The following DOCK8 variants were observed in gnomAD, a reference collection of about 807,000 sequenced individuals.
DOCK8 encodes dedicator of cytokinesis protein 8.
In DOCK8, 141 loss-of-function variants were observed where a neutral mutation model predicts 245.6. The observed-to-expected ratio is 0.57, with a 90% CI of 0.50 to 0.66. The LOEUF (loss-of-function observed/expected upper bound fraction) is 0.66. Ranked by LOEUF, DOCK8 falls within the 30% of genes least tolerant of loss-of-function variation. DOCK8 has a pLI of 0.00. For missense variants in DOCK8, 2,965 were observed against 2,603.4 expected (o/e 1.14, Z -3.02); for synonymous variants, 1,168 against 970.2 (o/e 1.20, Z -3.79).
intron 5 of DOCK8, among the ~76,000 whole-genome samples, chr9:309,620 T>C (rs1041963874): frequency 2.6e-5 from 4 of 152,234 alleles, no homozygotes; most frequent in African/African-American, 9.6e-5. Context: ...AAGGTTGTTT[T>C]CTTAAAGCAC....
chr9:341,724 G>A (rs1029423901), intron 14 of DOCK8, among the ~76,000 whole-genome samples: 3 of 152,140 alleles, frequency 2.0e-5, no homozygotes, highest in African/African-American at 7.2e-5. Flanking sequence ...CCCAACCCCC[G>A]GGCCATAGAC....
At chr9:263,863 G>A (rs2047978874) in intron 1 of DOCK8, among the ~76,000 whole-genome samples, 1 of 152,126 alleles carries the variant, frequency 6.6e-6, no homozygotes, top group Non-Finnish European at 1.5e-5. Flanking sequence ...CTTTTCCCTG[G>A]ATGTTTTAAA....
intron 32 of DOCK8, 106 bp from the exon 33 acceptor site, chr9:421,942 C>T (rs1258466252): frequency 1.2e-5 from 12 of 1,016,306 alleles, no homozygotes; most frequent in African/African-American, 1.6e-5. Flanking sequence ...CTAATTAGCC[C>T]GAGAAATGGT....
chr9:289,552 C>T lies in DOCK8; in HGVS notation c.375C>T (p.Tyr125=). 6.2e-7 allele frequency: 1 copy of T among 1,612,780 alleles called. No homozygotes were observed. The highest frequency in any genetic ancestry group is 8.5e-7 in the Non-Finnish European group (1 of 1,179,266). The change falls in exon 4 of 48, where the codon TAC becomes TAT. Residue 125 remains tyrosine (Y), a synonymous_variant. Coordinates refer to ENST00000432829, the MANE Select transcript of DOCK8 (RefSeq NM_203447.4). ...ATGTCAGGGACTGTGTTCAGACCTA[C>T]ATCCGTGAGTGGCTAATCGTGAACC... ...DPHVRDCVQT[Y]IREWLIVNRK...
chr9:371,150 G>C (rs2053267472), intron 16 of DOCK8, among the ~76,000 whole-genome samples: 1 of 151,984 alleles, frequency 6.6e-6, no homozygotes, highest in Non-Finnish European at 1.5e-5. Context: ...AGTTGTTGGA[G>C]TTTTCCATTG....
intron 26 of DOCK8, among the ~76,000 whole-genome samples, chr9:401,463 G>A (rs1008232598): frequency 1.2e-4 from 19 of 152,256 alleles, no homozygotes; most frequent in African/African-American, 4.1e-4. Context: ...GGGAGTCTCT[G>A]GGTCAGAGAG....
At chr9:248,381 AG>A (rs2131448406) in intron 1 of DOCK8, among the ~76,000 whole-genome samples, 1 of 152,270 alleles carries the variant, frequency 6.6e-6, no homozygotes, top group East Asian at 1.9e-4. Flanking sequence ...TTGCTTTCAA[AG>A]GAACACCATT....
At chr9:442,154 G>A in intron 42 of DOCK8, 145 bp downstream of exon 42, 1 of 1,174,102 alleles carries the variant, frequency 8.5e-7, no homozygotes, top group Non-Finnish European at 1.2e-6. Context: ...TTTATAAAAG[G>A]CAAAGTAGAA....
intron 6 of DOCK8, among the ~76,000 whole-genome samples, chr9:313,453 C>T (rs1420562556): frequency 6.6e-6 from 1 of 152,196 alleles, no homozygotes; most frequent in South Asian, 2.1e-4. Flanking sequence ...TTGGTTTCCT[C>T]ATCTATTTTT....
At chr9:249,543 G>C (rs184396419) in intron 1 of DOCK8, among the ~76,000 whole-genome samples, 9 of 152,102 alleles carry the variant, frequency 5.9e-5, no homozygotes, top group Admixed American at 5.2e-4. Context: ...CTTACTCTTA[G>C]TTTATTAAGA....
chr9:396,369 CTT>C (rs1488679107), intron 24 of DOCK8, among the ~76,000 whole-genome samples: 2 of 152,170 alleles, frequency 1.3e-5, no homozygotes, highest in Non-Finnish European at 2.9e-5. Flanking sequence ...ACAGAAAAGA[CTT>C]TAGTTCGCAT....
intron 6 of DOCK8, among the ~76,000 whole-genome samples, chr9:316,301 C>G (rs1554666147): frequency 6.6e-6 from 1 of 151,758 alleles, no homozygotes; most frequent in Non-Finnish European, 1.5e-5. Flanking sequence ...AGGATTTGCA[C>G]TACTTATTTT....
intron 26 of DOCK8, among the ~76,000 whole-genome samples, chr9:400,388 T>TCCACCATCAC (rs1564013694): frequency 7.0e-5 from 1 of 14,222 alleles, no homozygotes; most frequent in African/African-American, 5.2e-4. Context: ...ACCATCACCA[T>TCCACCATCAC]CACCACCACC....
intron 15 of DOCK8, chr9:369,627 G>A (rs1437746871): frequency 6.5e-6 from 1 of 154,472 alleles, no homozygotes; most frequent in East Asian, 1.9e-4. Flanking sequence ...ACAAAAGTAT[G>A]TAACTTTGGC....
chr9:273,186 T>G, intron 2 of DOCK8: 1 of 822,356 alleles, frequency 1.2e-6, no homozygotes. Flanking sequence ...ACGAAAAACC[T>G]ATAGCATCTT....
chr9:400,069 A>ACCACC (rs1476440726), intron 26 of DOCK8, among the ~76,000 whole-genome samples: 1 of 77,002 alleles, frequency 1.3e-5, no homozygotes, highest in African/African-American at 6.6e-5. Flanking sequence ...CTCCTTCACC[A>ACCACC]TCACCATCAC....
intron 18 of DOCK8, among the ~76,000 whole-genome samples, chr9:373,038 G>A (rs1438144210): frequency 1.3e-5 from 2 of 152,116 alleles, no homozygotes; most frequent in Admixed American, 6.5e-5. Context: ...GTGGTGGCGG[G>A]TGCCTGTAAT....
rs112456902 is a variant in DOCK8, at chr9:418,959, A to G, written c.3840+752A>G. ...TAAACAAGACTGCAGCTTTTCTAGG[A>G]CCCCAGGGAGCCTAAGGAGGGTTGT... On this transcript the variant is annotated intron_variant, in intron 30 of 47. Coordinates refer to ENST00000432829, the MANE Select transcript of DOCK8 (RefSeq NM_203447.4). Among the ~76,000 whole-genome samples, 1,091 of 152,100 alleles carry G rather than the reference A, an allele frequency of 7.2e-3. 33 individuals are homozygous for G. The highest frequency in any genetic ancestry group is 0.025 in the African/African-American group (1,017 of 41,480).
chr9:385,969 C>T (rs566758966), intron 22 of DOCK8, among the ~76,000 whole-genome samples: 3 of 152,272 alleles, frequency 2.0e-5, no homozygotes, highest in African/African-American at 7.2e-5. Context: ...GTTTAGGAGA[C>T]AGCGTGGTGC....
Sources: allele counts gnomAD v4.1 joint callset (sites outside exome capture counted in the v4.1 genomes callset), GRCh38; gene constraint gnomAD v4.1.1; transcripts MANE v1.5; gene names NCBI Gene and HGNC (gene_info 2026-07-23, HGNC 2026-07-21).